The following CHODL variants were observed in gnomAD, a reference collection of about 807,000 sequenced individuals.
CHODL encodes transmembrane protein MT75.
Under a neutral mutation model 34.5 loss-of-function variants are expected in CHODL, and 29 were observed. The ratio of observed to expected loss-of-function variants is 0.84; its 90% CI spans 0.63 to 1.15. The LOEUF is 1.15. CHODL is among the 50% of genes most tolerant of loss of function. The pLI is 0.00. For synonymous variants in CHODL, 125 were observed against 116.1 expected, an observed-to-expected ratio of 1.08 and a Z score of -0.49; for missense variants, 332 against 332.5, an observed-to-expected ratio of 1.00 and a Z score of 0.01.
At chr21:18,217,004 T>A (rs569164117) in intron 2 of CHODL, among the ~76,000 whole-genome samples, 2 of 152,250 alleles carry the variant, frequency 1.3e-5, no homozygotes, top group African/African-American at 2.4e-5. Context: ...TTTTTATTGC[T>A]GAAAAATATT....
intron 2 of CHODL, among the ~76,000 whole-genome samples, chr21:18,049,392 T>C (rs1398847834): frequency 6.6e-6 from 1 of 152,012 alleles, no homozygotes; most frequent in Non-Finnish European, 1.5e-5. Flanking sequence ...TGCTCTACAC[T>C]GTTTCATAAT....
intron 2 of CHODL, among the ~76,000 whole-genome samples, chr21:18,138,306 C>A (rs2146606130): frequency 6.6e-6 from 1 of 152,104 alleles, no homozygotes; most frequent in Middle Eastern, 3.4e-3. Flanking sequence ...GCATCTTTAA[C>A]TTAAAAATAT....
At chr21:18,034,611 T>G (rs1407561812) in intron 2 of CHODL, 1 of 152,002 alleles carries the variant, frequency 6.6e-6, no homozygotes, top group East Asian at 1.9e-4. Flanking sequence ...GGGTCTCCAT[T>G]CTCCTGTGAT....
At chr21:18,195,216 G>A (rs2073572016) in intron 2 of CHODL, among the ~76,000 whole-genome samples, 2 of 151,828 alleles carry the variant, frequency 1.3e-5, no homozygotes, top group South Asian at 2.1e-4. Context: ...CACCACACCT[G>A]GCTAATTTTT....
In CHODL at chr21:18,014,303, A is replaced by G. The variant is rs563742183; in HGVS notation, c.-144-13569A>G. 2.6e-5 allele frequency among the ~76,000 whole-genome samples: 4 copies of G among 152,350 alleles called. No individual in the cohort carries two copies. In the South Asian group the frequency reaches 8.3e-4, roughly 32 times the overall value. On this transcript the variant is annotated intron_variant, in intron 1 of 6. Coordinates refer to the CHODL transcript ENST00000400127. ...CATGGAATACTACACAGCCATTAAA[A>G]AGGATGAAATCATGTCCTTCACAGC...
chr21:17,941,645 C>A (rs549608481), intron 1 of CHODL, among the ~76,000 whole-genome samples: 1 of 151,966 alleles, frequency 6.6e-6, no homozygotes, highest in African/African-American at 2.4e-5. Flanking sequence ...ATTAATTTTT[C>A]AAAAAATTAT....
intron 1 of CHODL, among the ~76,000 whole-genome samples, chr21:17,967,759 C>T (rs1600841744): frequency 1.3e-5 from 2 of 151,860 alleles, no homozygotes; most frequent in African/African-American, 2.4e-5. Flanking sequence ...TTCAAGCAGT[C>T]TCTGACATAT....
chr21:18,174,311 A>G (rs1486881485), intron 2 of CHODL, among the ~76,000 whole-genome samples: 1 of 151,126 alleles, frequency 6.6e-6, no homozygotes, highest in African/African-American at 2.4e-5. Context: ...ACACAAAATA[A>G]TTTTTTCTTG....
chr21:18,128,631 A>G (rs1245903002), intron 2 of CHODL, among the ~76,000 whole-genome samples: 2 of 152,138 alleles, frequency 1.3e-5, no homozygotes, highest in East Asian at 3.8e-4. Flanking sequence ...ATTCAGTAAA[A>G]TGATCAATAA....
chr21:18,126,964 G>A (rs1036557693), intron 2 of CHODL, among the ~76,000 whole-genome samples: 6 of 152,044 alleles, frequency 3.9e-5, no homozygotes, highest in Non-Finnish European at 8.8e-5. Context: ...ATAAATTGAT[G>A]GCCAAATGAA....
At chr21:18,255,324 C>G (rs535356529) in intron 1 of CHODL, among the ~76,000 whole-genome samples, 41 of 152,028 alleles carry the variant, frequency 2.7e-4, no homozygotes, top group Middle Eastern at 6.8e-3. Context: ...TAACAAAATT[C>G]TGAGTTAGGG....
At position 17,995,301 on chromosome 21, in the gene CHODL, G is replaced by T. The variant is rs377005689; in HGVS notation, c.-144-32571G>T. On this transcript the variant is annotated intron_variant, in intron 1 of 6. Coordinates refer to the CHODL transcript ENST00000400127. The stretch of plus-strand genomic sequence containing the variant: ...ACTGTCTATATTAGTCTCAGGATAT[G>T]TGAGGGCCATGGGGCTCTCCTGTGG... 3.9e-5 allele frequency among the ~76,000 whole-genome samples: 6 copies of T among 152,308 alleles called. No individual in the cohort carries two copies. In the East Asian group the frequency reaches 7.7e-4, roughly 20 times the overall value.
Position 18,066,994 on chromosome 21 carries a change from C to T in CHODL, c.-45+39023C>T, listed in dbSNP as rs75675761. 4.5e-4 allele frequency among the ~76,000 whole-genome samples: 69 copies of T among 152,276 alleles called. No homozygotes were observed. The East Asian group carries it at 9.7e-3, about 21-fold the overall frequency. On this transcript the variant is annotated intron_variant, in intron 2 of 6. Coordinates refer to the CHODL transcript ENST00000400127. Reference sequence around the variant, plus strand: ...TCCAGAACTATGAGAAAATAAACTTCTGTTATTTAAGTTACCCAGTCTGCG... The same window carrying T: ...TCCAGAACTATGAGAAAATAAACTTTTGTTATTTAAGTTACCCAGTCTGCG...
intron 2 of CHODL, among the ~76,000 whole-genome samples, chr21:18,048,725 C>T (rs1304506407): frequency 2.0e-5 from 3 of 151,910 alleles, no homozygotes; most frequent in African/African-American, 4.8e-5. Context: ...ACTGCCCAAA[C>T]ATATTGATAA....
intron 2 of CHODL, among the ~76,000 whole-genome samples, chr21:18,084,905 G>C (rs1314526395): frequency 1.4e-5 from 2 of 143,980 alleles, no homozygotes; most frequent in East Asian, 4.0e-4. Flanking sequence ...TATCTCTTTT[G>C]TTAGGTCTAG....
At chr21:18,099,969 C>G (rs967631471) in intron 2 of CHODL, 1 of 151,898 alleles carries the variant, frequency 6.6e-6, no homozygotes, top group Non-Finnish European at 1.5e-5. Flanking sequence ...ATGTTATCCA[C>G]ATATAAAGGT....
intron 2 of CHODL, among the ~76,000 whole-genome samples, chr21:18,198,614 T>C (rs576115304): frequency 6.6e-6 from 1 of 152,256 alleles, no homozygotes; most frequent in African/African-American, 2.4e-5. Flanking sequence ...TTGCAACTTT[T>C]AGATTTCTGG....
intron 2 of CHODL, among the ~76,000 whole-genome samples, chr21:18,045,651 A>G (rs1424013418): frequency 1.3e-5 from 2 of 151,966 alleles, no homozygotes; most frequent in African/African-American, 2.4e-5. Context: ...TATGGTTTTA[A>G]TATTTGTGTA....
chr21:18,153,780 C>A (rs969418065), intron 2 of CHODL, among the ~76,000 whole-genome samples: 3 of 152,052 alleles, frequency 2.0e-5, no homozygotes, highest in Admixed American at 1.3e-4. Context: ...TTACCCTTTT[C>A]TATGAATAAT....
Sources: allele counts gnomAD v4.1 joint callset (sites outside exome capture counted in the v4.1 genomes callset), GRCh38; gene constraint gnomAD v4.1.1; transcripts MANE v1.5; gene names NCBI Gene and HGNC (gene_info 2026-07-23, HGNC 2026-07-21).